The following SLC2A13 variants were observed in gnomAD, a reference collection of about 807,000 sequenced individuals.
The protein encoded by SLC2A13 is proton myo-inositol cotransporter.
Under a neutral mutation model 64.4 loss-of-function variants are expected in SLC2A13, and 32 were observed. That is an observed-to-expected ratio of 0.50 (90% CI 0.37 to 0.67). The LOEUF (loss-of-function observed/expected upper bound fraction) is 0.67, where lower values mean the gene tolerates loss of function less well. Ranked by LOEUF, SLC2A13 falls within the 30% of genes least tolerant of loss-of-function variation. The probability of loss-of-function intolerance (pLI) is 0.00; values close to 1 mark genes in which losing one functional copy is unlikely to be tolerated. For synonymous variants in SLC2A13, 338 were observed against 327.1 expected, an observed-to-expected ratio of 1.03 and a Z score of -0.36; for missense variants, 743 against 829.2, an observed-to-expected ratio of 0.90 and a Z score of 1.28.
chr12:40,064,204 C>CA (rs1195716636), intron 1 of SLC2A13, among the ~76,000 whole-genome samples: 1 of 152,072 alleles, frequency 6.6e-6, no homozygotes, highest in Non-Finnish European at 1.5e-5. Context: ...ATAATCGCTC[C>CA]ACTGTACTCC....
chr12:39,841,482 A>T (rs529424189), intron 6 of SLC2A13, among the ~76,000 whole-genome samples: 1 of 152,106 alleles, frequency 6.6e-6, no homozygotes, highest in African/African-American at 2.4e-5. Context: ...CACTGAATGA[A>T]TGTTTGATCA....
intron 6 of SLC2A13, among the ~76,000 whole-genome samples, chr12:39,844,100 T>A (rs978926787): frequency 2.6e-5 from 4 of 152,182 alleles, no homozygotes; most frequent in African/African-American, 9.6e-5. Context: ...TTACTTTCTC[T>A]CTTCATATTT....
chr12:40,047,339 C>T (rs920725253), intron 2 of SLC2A13, among the ~76,000 whole-genome samples: 1 of 152,136 alleles, frequency 6.6e-6, no homozygotes, highest in African/African-American at 2.4e-5. Context: ...AATATTTGTT[C>T]TAATAAGTAG....
At position 39,993,049 on chromosome 12, in the gene SLC2A13, CTCTTT is replaced by C. The variant is rs1195797739; in HGVS notation, c.925+35247_925+35251del. Among the ~76,000 whole-genome samples the C allele has an allele frequency of 1.7e-4, 26 of 152,236 alleles. 1 individual carries two copies. The highest frequency in any genetic ancestry group is 7.2e-4 in the Admixed American group (11 of 15,282). On this transcript the variant is annotated intron_variant, in intron 3 of 9. Coordinates refer to ENST00000280871, the MANE Select transcript of SLC2A13 (RefSeq NM_052885.4). ...TGTAATATATTTAAAGTTTATTGCT[CTCTTT>C]TCTTTTAAGGAAAACAAAACTGAAG... is the stretch of plus-strand genomic sequence containing the variant.
intron 3 of SLC2A13, among the ~76,000 whole-genome samples, chr12:39,986,998 T>C (rs1947043781): frequency 6.6e-6 from 1 of 152,144 alleles, no homozygotes; most frequent in Non-Finnish European, 1.5e-5. Context: ...ATAATAAAAA[T>C]CTTAAGCTTT....
At chr12:39,831,194 C>T (rs562975952) in intron 6 of SLC2A13, among the ~76,000 whole-genome samples, 37 of 152,198 alleles carry the variant, frequency 2.4e-4, no homozygotes, top group African/African-American at 7.9e-4. Flanking sequence ...AGATGAACAA[C>T]GACAATGTAA....
intron 3 of SLC2A13, among the ~76,000 whole-genome samples, chr12:39,996,595 C>A (rs146848397): frequency 6.6e-6 from 1 of 152,196 alleles, no homozygotes. Flanking sequence ...CTGGGCCCCC[C>A]GCCCCATGCA....
intron 5 of SLC2A13, among the ~76,000 whole-genome samples, chr12:39,866,535 G>T (rs1243110184): frequency 1.3e-5 from 2 of 152,114 alleles, no homozygotes; most frequent in Non-Finnish European, 2.9e-5. Context: ...TTGGAGTGCA[G>T]TGGCGCGATC....
intron 7 of SLC2A13, among the ~76,000 whole-genome samples, chr12:39,765,971 C>A (rs369827442): frequency 1.3e-5 from 2 of 152,060 alleles, no homozygotes; most frequent in Admixed American, 6.6e-5. Flanking sequence ...TGTGAAAACA[C>A]GCAGTGTGTG....
chr12:39,977,384 C>T (rs1309475421), intron 3 of SLC2A13, among the ~76,000 whole-genome samples: 1 of 152,194 alleles, frequency 6.6e-6, no homozygotes, highest in Non-Finnish European at 1.5e-5. Flanking sequence ...GCAACTGAGT[C>T]AAACAGAACT....
intron 3 of SLC2A13, among the ~76,000 whole-genome samples, chr12:40,026,039 C>T (rs11564219): frequency 0.032 from 4,836 of 152,250 alleles, 110 homozygotes; most frequent in Middle Eastern, 0.065. Context: ...GGTCACGTTT[C>T]TTAATCATAA....
chr12:39,935,615 G>C (rs1025474134), intron 4 of SLC2A13, among the ~76,000 whole-genome samples: 1 of 152,198 alleles, frequency 6.6e-6, no homozygotes, highest in South Asian at 2.1e-4. Context: ...CACATCTGCA[G>C]TTATAATATA....
chr12:39,863,508 G>A (rs1943817996), intron 6 of SLC2A13, among the ~76,000 whole-genome samples: 1 of 152,086 alleles, frequency 6.6e-6, no homozygotes, highest in South Asian at 2.1e-4. Context: ...TCAAATGACA[G>A]TAATTTTTAA....
intron 1 of SLC2A13, among the ~76,000 whole-genome samples, chr12:40,100,522 C>T (rs1231177849): frequency 6.6e-6 from 1 of 152,114 alleles, no homozygotes; most frequent in African/African-American, 2.4e-5. Context: ...GGGAGATACA[C>T]AATGATAGAA....
At chr12:39,821,980 A>G (rs1449426282) in intron 7 of SLC2A13, among the ~76,000 whole-genome samples, 5 of 151,880 alleles carry the variant, frequency 3.3e-5, no homozygotes, top group Non-Finnish European at 4.4e-5. Flanking sequence ...CAGGTTAGTT[A>G]CATATGTATA....
chr12:40,084,993 A>G (rs764636448), intron 1 of SLC2A13, among the ~76,000 whole-genome samples: 5 of 152,246 alleles, frequency 3.3e-5, no homozygotes, highest in Non-Finnish European at 1.5e-5. Context: ...CCAGTCGCCA[A>G]TGGTTTAATC....
intron 4 of SLC2A13, among the ~76,000 whole-genome samples, chr12:39,874,509 G>C (rs577564593): frequency 9.2e-4 from 140 of 151,632 alleles, no homozygotes; most frequent in African/African-American, 3.3e-3. Flanking sequence ...TAGCTACTCA[G>C]GAGGCTAAGG....
intron 4 of SLC2A13, among the ~76,000 whole-genome samples, chr12:39,898,065 G>T (rs540690052): frequency 6.4e-4 from 98 of 152,034 alleles, no homozygotes; most frequent in Non-Finnish European, 1.2e-3. Flanking sequence ...TATTGAGGAG[G>T]CTTTAGCAAA....
At chr12:39,787,142 T>A (rs1941219376) in intron 7 of SLC2A13, among the ~76,000 whole-genome samples, 1 of 152,214 alleles carries the variant, frequency 6.6e-6, no homozygotes, top group Non-Finnish European at 1.5e-5. Context: ...TTTCGGTATA[T>A]GGCTAGTTTT....
Sources: allele counts gnomAD v4.1 joint callset (sites outside exome capture counted in the v4.1 genomes callset), GRCh38; gene constraint gnomAD v4.1.1; transcripts MANE v1.5; gene names NCBI Gene and HGNC (gene_info 2026-07-23, HGNC 2026-07-21).